The following PTPRO variants were observed in gnomAD, a reference collection of about 807,000 sequenced individuals.
The protein encoded by PTPRO is receptor-type tyrosine-protein phosphatase O.
A neutral mutation model predicts 145.2 loss-of-function variants in PTPRO; 62 were observed. The ratio of observed to expected loss-of-function variants is 0.43; its 90% CI spans 0.35 to 0.53. The LOEUF is 0.53. Among genes scored for constraint, PTPRO ranks in the 20% least tolerant of loss-of-function variants. The pLI is 0.01. For missense variants in PTPRO, 1,345 were observed against 1,482.7 expected, an observed-to-expected ratio of 0.91 and a Z score of 1.53; for synonymous variants, 565 against 514.7, an observed-to-expected ratio of 1.10 and a Z score of -1.32.
chr12:15,501,570 C>A, intron 4 of PTPRO, 50 bp from the exon 5 acceptor site: 1 of 1,507,224 alleles, frequency 6.6e-7, no homozygotes, highest in Non-Finnish European at 9.2e-7. Context: ...TAAGTATTCA[C>A]TCTAATTGAA....
intron 1 of PTPRO, among the ~76,000 whole-genome samples, chr12:15,378,211 T>G (rs1938744983): frequency 1.3e-5 from 2 of 151,564 alleles, no homozygotes; most frequent in South Asian, 4.2e-4. Context: ...CCAAACTTGG[T>G]TTTTTTGAAA....
At chr12:15,505,324 T>C (rs1942300186) in intron 6 of PTPRO, among the ~76,000 whole-genome samples, 2 of 152,330 alleles carry the variant, frequency 1.3e-5, no homozygotes, top group South Asian at 2.1e-4. Context: ...GCTTCTCATG[T>C]CAAGTTGTAA....
chr12:15,456,276 T>C (rs939839610), intron 1 of PTPRO, among the ~76,000 whole-genome samples: 1 of 152,204 alleles, frequency 6.6e-6, no homozygotes, highest in Non-Finnish European at 1.5e-5. Flanking sequence ...TCACATTAGT[T>C]GATTTTCATA....
At chr12:15,516,194 G>A (rs1004515856) in intron 8 of PTPRO, among the ~76,000 whole-genome samples, 3 of 150,594 alleles carry the variant, frequency 2.0e-5, no homozygotes, top group Admixed American at 1.3e-4. Flanking sequence ...GTTTCACCGT[G>A]TTAGCCAGGA....
chr12:15,528,761 G>A (rs1942897234), intron 12 of PTPRO, among the ~76,000 whole-genome samples: 1 of 151,956 alleles, frequency 6.6e-6, no homozygotes, highest in East Asian at 1.9e-4. Context: ...AGGACAAAGA[G>A]AAGATCCTGA....
intron 1 of PTPRO, among the ~76,000 whole-genome samples, chr12:15,332,748 C>T (rs561742007): frequency 5.3e-5 from 8 of 152,274 alleles, no homozygotes; most frequent in Admixed American, 1.3e-4. Flanking sequence ...GCCATTCCAC[C>T]TTCAGACAAC....
rs145901453 is a variant in PTPRO, at chr12:15,542,744, A to G, written c.2165-3825A>G. Among the ~76,000 whole-genome samples, 34 of 152,328 alleles carry G rather than the reference A, an allele frequency of 2.2e-4. No homozygotes were observed. The East Asian group carries it at 6.4e-3, about 29-fold the overall frequency. ...TTGTTCCAACATATAATCAATATAAATAATTATTAATAAGATATTTTATTC... is the reference window on the plus strand; with the variant it reads ...TTGTTCCAACATATAATCAATATAAGTAATTATTAATAAGATATTTTATTC... On this transcript the variant is annotated intron_variant, in intron 12 of 26. Coordinates refer to ENST00000281171, the MANE Select transcript of PTPRO (RefSeq NM_030667.3).
intron 24 of PTPRO, among the ~76,000 whole-genome samples, 192 bp from the exon 25 acceptor site, chr12:15,589,263 C>A (rs973028003): frequency 1.3e-5 from 2 of 151,970 alleles, no homozygotes; most frequent in Non-Finnish European, 2.9e-5. Context: ...GTAATCCCAG[C>A]TACTCAGGAG....
At chr12:15,536,384 G>A (rs1357441895) in intron 12 of PTPRO, among the ~76,000 whole-genome samples, 1 of 152,192 alleles carries the variant, frequency 6.6e-6, no homozygotes, top group East Asian at 1.9e-4. Flanking sequence ...AGATCACTGG[G>A]ATGAGATTCT....
At chr12:15,396,533 C>T (rs912407284) in intron 1 of PTPRO, among the ~76,000 whole-genome samples, 14 of 151,876 alleles carry the variant, frequency 9.2e-5, no homozygotes, top group African/African-American at 3.4e-4. Flanking sequence ...CATGTGAATC[C>T]AAAATATTAT....
Position 15,459,899 on chromosome 12 carries a change from T to G in PTPRO, c.76-24075T>G, listed in dbSNP as rs80219941. On this transcript the variant is annotated intron_variant, in intron 1 of 26. Transcript: ENST00000281171. Reference sequence around the variant, plus strand: ...TTGAACTCAGGTACCCAAAGCAGAGTGTAGTGCTCCTCTACCCAGGGTGTC... The same window carrying G: ...TTGAACTCAGGTACCCAAAGCAGAGGGTAGTGCTCCTCTACCCAGGGTGTC... Among the ~76,000 whole-genome samples the G allele has an allele frequency of 7.2e-5, 11 of 152,046 alleles. No individual in the cohort carries two copies. The East Asian group carries it at 1.9e-3, about 27-fold the overall frequency.
intron 1 of PTPRO, among the ~76,000 whole-genome samples, chr12:15,424,836 G>A (rs1255584853): frequency 1.3e-5 from 2 of 152,102 alleles, no homozygotes; most frequent in Non-Finnish European, 2.9e-5. Flanking sequence ...CGTGGCCCAA[G>A]TGAAAATGGT....
At chr12:15,593,506 T>C (rs753253237) in intron 25 of PTPRO, among the ~76,000 whole-genome samples, 17 of 152,260 alleles carry the variant, frequency 1.1e-4, no homozygotes, top group Non-Finnish European at 2.4e-4. Context: ...ATTATATGTA[T>C]GTATATATGT....
chr12:15,403,376 A>T (rs1452516232), intron 1 of PTPRO, among the ~76,000 whole-genome samples: 1 of 152,102 alleles, frequency 6.6e-6, no homozygotes, highest in Non-Finnish European at 1.5e-5. Flanking sequence ...TGAGGTCAGG[A>T]GTTCGAGACC....
chr12:15,401,034 G>C (rs1451871825), intron 1 of PTPRO, among the ~76,000 whole-genome samples: 3 of 152,078 alleles, frequency 2.0e-5, no homozygotes, highest in African/African-American at 7.2e-5. Context: ...CATTCTATAT[G>C]CCCATCAGGT....
chr12:15,508,823 A>G, intron 7 of PTPRO, 56 bp downstream of exon 7: 4 of 1,559,922 alleles, frequency 2.6e-6, no homozygotes, highest in East Asian at 2.3e-5. Flanking sequence ...ACAACCTTAC[A>G]GGGCAATGCC....
At chr12:15,429,662 C>G (rs572125049) in intron 1 of PTPRO, among the ~76,000 whole-genome samples, 1 of 152,174 alleles carries the variant, frequency 6.6e-6, no homozygotes, top group African/African-American at 2.4e-5. Flanking sequence ...GAATCAAATG[C>G]AGGCCACATA....
At chr12:15,532,929 C>G (rs1475775336) in intron 12 of PTPRO, among the ~76,000 whole-genome samples, 1 of 152,144 alleles carries the variant, frequency 6.6e-6, no homozygotes, top group Non-Finnish European at 1.5e-5. Flanking sequence ...TTCTCCAACT[C>G]ATTTGGTTTT....
At chr12:15,394,015 C>T (rs186881413) in intron 1 of PTPRO, among the ~76,000 whole-genome samples, 1 of 152,056 alleles carries the variant, frequency 6.6e-6, no homozygotes, top group African/African-American at 2.4e-5. Flanking sequence ...CCAACCAACT[C>T]CTGTGATAAC....
Sources: gnomAD v4.1 joint callset for allele counts (sites outside exome capture counted in the v4.1 genomes callset) on GRCh38, gnomAD v4.1.1 for gene constraint, MANE v1.5 for transcripts, NCBI Gene and HGNC (gene_info 2026-07-23, HGNC 2026-07-21) for gene names.